The following RAP2A variants were observed in gnomAD, a reference collection of about 807,000 sequenced individuals.
The protein encoded by RAP2A is ras-related protein Rap-2a.
A neutral mutation model predicts 15.1 loss-of-function variants in RAP2A; 5 were observed. The ratio of observed to expected loss-of-function variants is 0.33; its 90% CI spans 0.17 to 0.70. The LOEUF (loss-of-function observed/expected upper bound fraction) is 0.70, where lower values mean the gene tolerates loss of function less well. RAP2A is among the 30% of genes least tolerant of loss of function. RAP2A has a pLI of 0.68. For synonymous variants in RAP2A, 110 were observed against 99.7 expected (o/e 1.10, Z -0.62); for missense variants, 111 against 240.3 (o/e 0.46, Z 3.56).
In RAP2A at chr13:97,434,193, C is replaced by T. The variant is rs1282688721; in HGVS notation, c.-278C>T. The T allele has an allele frequency of 3.4e-5, 5 of 145,304 alleles. No homozygotes were observed. Among genetic ancestry groups the T allele is most frequent in the Non-Finnish European group, 7.6e-5 (5 of 65,680 alleles). 9.0% of individuals were successfully genotyped at this position (145,304 alleles called of 1,614,324 possible). A position where few individuals can be genotyped will look rare whatever the true frequency, so the allele number is the denominator to read the frequency against. Reference sequence around the variant, plus strand: ...CACTGCGGGCCCGCGGCTCGGGCGGCACCAGCGGCTCCCGGTCTCTCTCTC... The same window carrying T: ...CACTGCGGGCCCGCGGCTCGGGCGGTACCAGCGGCTCCCGGTCTCTCTCTC... On this transcript the variant is annotated 5_prime_UTR_variant, in exon 1 of 2. Coordinates refer to ENST00000245304, the MANE Select transcript of RAP2A (RefSeq NM_021033.7).
intron 1 of RAP2A, among the ~76,000 whole-genome samples, chr13:97,461,530 T>C (rs2066745800): frequency 6.6e-6 from 1 of 152,240 alleles, no homozygotes; most frequent in African/African-American, 2.4e-5. Context: ...ATTAGGTTGA[T>C]GGTAAGATTT....
rs937911436 is a variant in RAP2A, at chr13:97,468,725, A to T, written c.*4283A>T. 6.6e-6 allele frequency: 1 copy of T among 152,236 alleles called. No homozygotes were observed. The highest frequency in any genetic ancestry group is 2.4e-5 in the African/African-American group (1 of 41,458). The allele number at this position is 152,236 out of a possible 1,614,324, so 9.4% of individuals were successfully genotyped here. Reference sequence around the variant, plus strand: ...ATATTTTAGGAATATCTTCTGAAGAACTTCATAATTTTATTTGAAGTGTTT... The same window carrying T: ...ATATTTTAGGAATATCTTCTGAAGATCTTCATAATTTTATTTGAAGTGTTT... On this transcript the variant is annotated 3_prime_UTR_variant, in exon 2 of 2. Transcript: ENST00000245304.
At chr13:97,456,160 C>T (rs1192748664) in intron 1 of RAP2A, among the ~76,000 whole-genome samples, 1 of 152,078 alleles carries the variant, frequency 6.6e-6, no homozygotes, top group African/African-American at 2.4e-5. Context: ...CACACACATA[C>T]TCACGCTCAA....
intron 1 of RAP2A, among the ~76,000 whole-genome samples, chr13:97,461,808 A>C: frequency 6.6e-6 from 1 of 151,446 alleles, no homozygotes; most frequent in East Asian, 1.9e-4. Flanking sequence ...CTAAATATAC[A>C]AAAAATTAGT....
chr13:97,441,831 C>T (rs1037812108), intron 1 of RAP2A: 5 of 434,190 alleles, frequency 1.2e-5, no homozygotes, highest in Middle Eastern at 3.4e-4. Context: ...AGTTTGAATA[C>T]GAGCAGACTT....
rs1053187407 is a variant in RAP2A, at chr13:97,466,004, G to A, written c.*1562G>A. ...TCTTACGTGTGTAACTGAGAGAAGAGTGTGTGTTTGTGTGTGCATGTGTGT... is the reference window on the plus strand; with the variant it reads ...TCTTACGTGTGTAACTGAGAGAAGAATGTGTGTTTGTGTGTGCATGTGTGT... On this transcript the variant is annotated 3_prime_UTR_variant, in exon 2 of 2. Transcript: ENST00000245304. 6.6e-6 allele frequency: 1 copy of A among 152,174 alleles called. No homozygotes were observed. 9.4% of individuals were successfully genotyped at this position (152,174 alleles called of 1,614,324 possible).
At position 97,438,179 on chromosome 13, in the gene RAP2A, A is replaced by C. The variant is rs1394243998; in HGVS notation, c.314+3395A>C. Among the ~76,000 whole-genome samples, 3 of 152,156 alleles carry C rather than the reference A, an allele frequency of 2.0e-5. No homozygotes were observed. The East Asian group carries it at 5.8e-4, about 29-fold the overall frequency. On this transcript the variant is annotated intron_variant, in intron 1 of 1. Transcript: ENST00000245304. Reference sequence around the variant, plus strand: ...GTAATTGCTTTTTTCATTGTTACCCATGCCAGGATCAGCCATGGTCCTGAC... The same window carrying C: ...GTAATTGCTTTTTTCATTGTTACCCCTGCCAGGATCAGCCATGGTCCTGAC...
intron 1 of RAP2A, among the ~76,000 whole-genome samples, chr13:97,449,701 C>G (rs963452796): frequency 6.6e-6 from 1 of 151,324 alleles, no homozygotes; most frequent in African/African-American, 2.4e-5. Context: ...GTTTTCAGCT[C>G]CTTTCTTCAT....
chr13:97,450,623 G>A (rs1013425772), intron 1 of RAP2A, among the ~76,000 whole-genome samples: 5 of 150,620 alleles, frequency 3.3e-5, no homozygotes, highest in South Asian at 2.1e-4. Context: ...GACCACTTTC[G>A]TCCACCTTAT....
intron 1 of RAP2A, among the ~76,000 whole-genome samples, chr13:97,441,401 C>A (rs1398734442): frequency 6.6e-6 from 1 of 151,994 alleles, no homozygotes; most frequent in Non-Finnish European, 1.5e-5. Flanking sequence ...GAAGAGCCAA[C>A]AAAGTTGGAA....
chr13:97,440,515 G>A (rs898570145), intron 1 of RAP2A, among the ~76,000 whole-genome samples: 2 of 152,186 alleles, frequency 1.3e-5, no homozygotes, highest in African/African-American at 4.8e-5. Flanking sequence ...GTCAGGATGA[G>A]AGGAGGGAAA....
At chr13:97,446,009 G>A (rs1010599161) in intron 1 of RAP2A, among the ~76,000 whole-genome samples, 51 of 152,184 alleles carry the variant, frequency 3.4e-4, no homozygotes, top group African/African-American at 1.2e-3. Flanking sequence ...ACTAAGTAAT[G>A]AGTCCTGAAG....
chr13:97,434,437 GGGC>G lies in RAP2A; in HGVS notation c.-15_-13del, dbSNP rs755279212. On this transcript the variant is annotated 5_prime_UTR_variant, in exon 1 of 2. Transcript: ENST00000245304. ...CGCGGCCGGCGTAGGTCTATGTCGC[GGGC>G]GGCGGCGGCGGCGGCGGCCGCGGAG... 6.8e-4 allele frequency: 1,036 copies of G among 1,523,058 alleles called. No individual in the cohort carries two copies. The highest frequency in any genetic ancestry group is 1.5e-3 in the Admixed American group (80 of 54,264). 94.3% of individuals were successfully genotyped at this position (1,523,058 alleles called of 1,614,324 possible).
At chr13:97,457,854 CTT>C (rs1187627856) in intron 1 of RAP2A, among the ~76,000 whole-genome samples, 1 of 151,794 alleles carries the variant, frequency 6.6e-6, no homozygotes, top group Non-Finnish European at 1.5e-5. Context: ...AAAATCATGA[CTT>C]ATTTAATTTG....
At chr13:97,445,068 AT>A (rs894823201) in intron 1 of RAP2A, among the ~76,000 whole-genome samples, 2 of 152,130 alleles carry the variant, frequency 1.3e-5, no homozygotes, top group Non-Finnish European at 2.9e-5. Context: ...AAGGGCACTA[AT>A]CCCATTCATG....
intron 1 of RAP2A, among the ~76,000 whole-genome samples, chr13:97,446,011 G>A (rs900670228): frequency 3.3e-5 from 5 of 152,178 alleles, no homozygotes; most frequent in African/African-American, 9.7e-5. Flanking sequence ...TAAGTAATGA[G>A]TCCTGAAGCT....
intron 1 of RAP2A, among the ~76,000 whole-genome samples, chr13:97,441,096 A>G (rs1257731349): frequency 1.3e-5 from 2 of 152,110 alleles, no homozygotes; most frequent in African/African-American, 2.4e-5. Flanking sequence ...TTAAAGCTCA[A>G]TTTGGAGTTG....
chr13:97,452,433 T>G (rs2066705606), intron 1 of RAP2A, among the ~76,000 whole-genome samples: 1 of 151,290 alleles, frequency 6.6e-6, no homozygotes. Flanking sequence ...CAGGCAAATC[T>G]ATCTGTGTGA....
At position 97,444,234 on chromosome 13, in the gene RAP2A, A is replaced by G. The variant is rs147581450; in HGVS notation, c.314+9450A>G. Reference sequence around the variant, plus strand: ...TGCCTTCCCCTAGAGACCTAAATATATTGGCTATAAATGGTGGCGGTAAAT... The same window carrying G: ...TGCCTTCCCCTAGAGACCTAAATATGTTGGCTATAAATGGTGGCGGTAAAT... On this transcript the variant is annotated intron_variant, in intron 1 of 1. Transcript: ENST00000245304. Among the ~76,000 whole-genome samples the G allele has an allele frequency of 1.8e-3, 274 of 152,302 alleles. 1 individual carries two copies. The highest frequency in any genetic ancestry group is 6.0e-3 in the African/African-American group (251 of 41,562).
Sources: gnomAD v4.1 joint callset for allele counts (sites outside exome capture counted in the v4.1 genomes callset) on GRCh38, gnomAD v4.1.1 for gene constraint, MANE v1.5 for transcripts, NCBI Gene and HGNC (gene_info 2026-07-23, HGNC 2026-07-21) for gene names.